The following RPP14 variants were observed in gnomAD, a reference collection of about 807,000 sequenced individuals.
The protein encoded by RPP14 is ribonuclease P protein subunit p14.
RPP14 carries 19 observed loss-of-function variants against 17.8 expected under a neutral mutation model. The ratio of observed to expected loss-of-function variants is 1.07; its 90% CI spans 0.74 to 1.57. The LOEUF (loss-of-function observed/expected upper bound fraction) is 1.57, where lower values mean the gene tolerates loss of function less well. Among genes scored for constraint, RPP14 ranks in the 40% most tolerant of loss-of-function variants. RPP14 has a pLI of 0.00. For synonymous variants in RPP14, 60 were observed against 56.4 expected (o/e 1.06, Z -0.29); for missense variants, 125 against 140.8 (o/e 0.89, Z 0.57).
chr3:58,314,675 A>ATTTTTT (rs751757663), intron 3 of RPP14, among the ~76,000 whole-genome samples: 1,063 of 90,600 alleles, frequency 0.012, 9 homozygotes, highest in East Asian at 0.034. Flanking sequence ...GTTTGGCAGT[A>ATTTTTT]TTTTTTTTTT....
In RPP14 at chr3:58,319,169, A is replaced by G. The variant is rs966279748; in HGVS notation, c.*1673A>G. On this transcript the variant is annotated 3_prime_UTR_variant, in exon 6 of 6. Transcript: ENST00000295959. Reference sequence around the variant, plus strand: ...ATCTTTGAACACCTACCTTTTATCAATGAATATTTTTAGACTGTTCTTCAG... The same window carrying G: ...ATCTTTGAACACCTACCTTTTATCAGTGAATATTTTTAGACTGTTCTTCAG... 3.3e-5 allele frequency: 5 copies of G among 152,176 alleles called. No homozygotes were observed. Among genetic ancestry groups the G allele is most frequent in the African/African-American group, 1.2e-4 (5 of 41,440 alleles). 9.4% of individuals were successfully genotyped at this position (152,176 alleles called of 1,614,324 possible).
intron 3 of RPP14, among the ~76,000 whole-genome samples, chr3:58,314,675 A>ATTTTTTTTTTTTTTTTTT (rs751757663): frequency 8.8e-5 from 8 of 90,560 alleles, no homozygotes; most frequent in African/African-American, 8.8e-5. Flanking sequence ...GTTTGGCAGT[A>ATTTTTTTTTTTTTTTTTT]TTTTTTTTTT....
In RPP14 at chr3:58,318,040, T is replaced by C. The variant is rs2107511215; in HGVS notation, c.*544T>C. ...GCGGTTCATTGCTATTATTGCAGTG[T>C]CATGTTCTGTAATAGAAAGTAAAAA... On this transcript the variant is annotated 3_prime_UTR_variant, in exon 6 of 6. Transcript: ENST00000295959. The C allele has an allele frequency of 1.4e-6, 1 of 700,352 alleles. No homozygotes were observed. The highest frequency in any genetic ancestry group is 2.7e-5 in the East Asian group (1 of 37,282). 43.4% of individuals were successfully genotyped at this position (700,352 alleles called of 1,614,324 possible). A position where few individuals can be genotyped will look rare whatever the true frequency, so the allele number is the denominator to read the frequency against.
Position 58,317,468 on chromosome 3 carries a change from G to T in RPP14, c.347G>T (p.Gly116Val). The T allele has an allele frequency of 6.3e-7, 1 of 1,599,832 alleles. No individual in the cohort carries two copies. Among genetic ancestry groups the T allele is most frequent in the African/African-American group, 1.3e-5 (1 of 74,470 alleles). ...TCTCCATTTCTTCTTGCATTATCTGGTAATAGTAGGGAACTAGTATTGGAT... is the reference window on the plus strand; with the variant it reads ...TCTCCATTTCTTCTTGCATTATCTGTTAATAGTAGGGAACTAGTATTGGAT... Reference protein sequence around the residue: ...QVSPFLLALSGNSRELVLD With the variant: ...QVSPFLLALSVNSRELVLD Residue 116 changes from glycine (G) to valine (V), a missense_variant, in exon 6 of 6, where the codon GGT (glycine) becomes GTT (valine). Gly to Val is a moderately radical substitution (Grantham distance 109, BLOSUM62 -3). Coordinates refer to ENST00000295959, the MANE Select transcript of RPP14 (RefSeq NM_007042.6).
chr3:58,310,225 A>C (rs958757762), intron 1 of RPP14, 84 bp from the exon 2 acceptor site: 9 of 1,090,750 alleles, frequency 8.3e-6, no homozygotes, highest in Middle Eastern at 4.1e-4. Context: ...CAAACAAAAA[A>C]AACCCAAATA....
At position 58,310,543 on chromosome 3, in the gene RPP14, A is replaced by T. The variant is rs141696875; in HGVS notation, c.114A>T (p.Ala38=). 1.3e-4 allele frequency: 205 copies of T among 1,612,866 alleles called. 1 individual carries two copies. The highest frequency in any genetic ancestry group is 2.3e-5 in the Non-Finnish European group (27 of 1,179,800). Reference sequence around the variant, plus strand: ...ATTGTGGAGTTGGACTGAATGCTGCACAGTTCAAACAGCTGCTTATTTCGG... The same window carrying T: ...ATTGTGGAGTTGGACTGAATGCTGCTCAGTTCAAACAGCTGCTTATTTCGG... ...FQDCGVGLNA[A]QFKQLLISAV... The change falls in exon 3 of 6, where the codon GCA becomes GCT. Residue 38 remains alanine, a synonymous_variant. Coordinates refer to ENST00000295959, the MANE Select transcript of RPP14 (RefSeq NM_007042.6).
intron 5 of RPP14, 26 bp from the exon 6 acceptor site, chr3:58,317,414 C>T (rs1267967633): frequency 6.5e-7 from 1 of 1,536,494 alleles, no homozygotes; most frequent in South Asian, 1.1e-5. Context: ...TCTCCCAATG[C>T]CTTAACCTTT....
chr3:58,307,129 A>AGGCTAGGCCTGTGTG (rs2097476132), intron 1 of RPP14, among the ~76,000 whole-genome samples: 1 of 152,172 alleles, frequency 6.6e-6, no homozygotes, highest in African/African-American at 2.4e-5. Flanking sequence ...AGAAAGAGCT[A>AGGCTAGGCCTGTGTG]GGCTAGGCCT....
At position 58,315,460 on chromosome 3, in the gene RPP14, G is replaced by A. The variant is rs116035134; in HGVS notation, c.163-1055G>A. The stretch of plus-strand genomic sequence containing the variant: ...GTACAGTTCTTTATCATTGATTGTG[G>A]TGGTAGTTATATGAAGCTACCTATG... On this transcript the variant is annotated intron_variant, in intron 3 of 5. Coordinates refer to ENST00000295959, the MANE Select transcript of RPP14 (RefSeq NM_007042.6). Among the ~76,000 whole-genome samples, 1,168 of 152,220 alleles carry A rather than the reference G, an allele frequency of 7.7e-3. 17 individuals carry two copies. The highest frequency in any genetic ancestry group is 8.7e-3 in the Non-Finnish European group (591 of 68,008).
rs1183728441 is a variant in RPP14, at chr3:58,312,014, A to AG, written c.162+1425dup. ...CAGTATCCCGAGTAGCTGGGACCAC[A>AG]GGCGTGTGCCACCACGCCAATTTTT... On this transcript the variant is annotated intron_variant, in intron 3 of 5. Transcript: ENST00000295959. Among the ~76,000 whole-genome samples the AG allele has an allele frequency of 3.3e-5, 5 of 152,268 alleles. No homozygotes were observed. The East Asian group carries it at 5.8e-4, about 18-fold the overall frequency.
In RPP14 at chr3:58,318,726, G is replaced by C. The variant is rs759884760; in HGVS notation, c.*1230G>C. The C allele has an allele frequency of 1.3e-5, 2 of 150,068 alleles. No individual in the cohort carries two copies. The highest frequency in any genetic ancestry group is 4.9e-5 in the African/African-American group (2 of 40,828). 9.3% of individuals were successfully genotyped at this position (150,068 alleles called of 1,614,324 possible). ...TAAAGACTCTACTTTTAAATCAGGC[G>C]TGGCAGCTCACGCCTGTAATCCCAG... On this transcript the variant is annotated 3_prime_UTR_variant, in exon 6 of 6. Coordinates refer to ENST00000295959, the MANE Select transcript of RPP14 (RefSeq NM_007042.6).
At chr3:58,309,294 A>C (rs527263537) in intron 1 of RPP14, among the ~76,000 whole-genome samples, 2 of 152,268 alleles carry the variant, frequency 1.3e-5, no homozygotes, top group South Asian at 4.2e-4. Flanking sequence ...AGTGGTTGGA[A>C]TCTCTGGGCA....
At chr3:58,310,219 CA>C (rs1002160792) in intron 1 of RPP14, 89 bp from the exon 2 acceptor site, 39 of 977,894 alleles carry the variant, frequency 4.0e-5, no homozygotes, top group African/African-American at 8.2e-5. Flanking sequence ...AACAAACAAA[CA>C]AAAAAAACCC....
In RPP14 at chr3:58,319,735, T is replaced by G. The variant is rs1384703563; in HGVS notation, c.*2239T>G. ...CAGGGAGGTTATATTGAAGGGGAGA[T>G]GTGCCTAACATGTTACTACTAAATG... On this transcript the variant is annotated 3_prime_UTR_variant, in exon 6 of 6. Transcript: ENST00000295959. The G allele has an allele frequency of 6.6e-6, 1 of 152,016 alleles. No individual in the cohort carries two copies. Among genetic ancestry groups the G allele is most frequent in the African/African-American group, 2.4e-5 (1 of 41,398 alleles). 9.4% of individuals were successfully genotyped at this position (152,016 alleles called of 1,614,324 possible).
At chr3:58,315,541 G>A (rs892383094) in intron 3 of RPP14, among the ~76,000 whole-genome samples, 3 of 152,184 alleles carry the variant, frequency 2.0e-5, no homozygotes, top group African/African-American at 7.2e-5. Flanking sequence ...CATACAATTG[G>A]TAAAATCTGA....
intron 3 of RPP14, among the ~76,000 whole-genome samples, chr3:58,310,978 AAAAT>A (rs1348778274): frequency 1.9e-4 from 29 of 151,932 alleles, no homozygotes; most frequent in African/African-American, 7.0e-4. Flanking sequence ...AAAAAAAAAA[AAAAT>A]AAATTATACA....
In RPP14 at chr3:58,310,853, C is replaced by T. The variant is rs933326777; in HGVS notation, c.162+262C>T. Among the ~76,000 whole-genome samples the T allele has an allele frequency of 2.9e-4, 44 of 151,486 alleles. 1 individual carries two copies. The highest frequency in any genetic ancestry group is 2.4e-4 in the Non-Finnish European group (16 of 67,886). On this transcript the variant is annotated intron_variant, in intron 3 of 5. Coordinates refer to ENST00000295959, the MANE Select transcript of RPP14 (RefSeq NM_007042.6). ...GCTGAGGCAGGATAATTGCTTGAAC[C>T]CGGGAGGCAGAGGTTGCAGTGAGCC...
At chr3:58,313,034 C>T (rs564297525) in intron 3 of RPP14, among the ~76,000 whole-genome samples, 124 of 149,392 alleles carry the variant, frequency 8.3e-4, no homozygotes, top group Middle Eastern at 3.6e-3. Context: ...GAGGCCAAGG[C>T]AGGCAGATCC....
intron 1 of RPP14, 113 bp from the exon 2 acceptor site, chr3:58,310,196 G>GA: frequency 1.4e-6 from 1 of 735,108 alleles, no homozygotes; most frequent in Non-Finnish European, 2.3e-6. Flanking sequence ...GACAGGGTGA[G>GA]ACCCTGCCTT....
Sources: gnomAD v4.1 joint callset for allele counts (sites outside exome capture counted in the v4.1 genomes callset) on GRCh38, gnomAD v4.1.1 for gene constraint, MANE v1.5 for transcripts, NCBI Gene and HGNC (gene_info 2026-07-23, HGNC 2026-07-21) for gene names.